Variants in ASPRV1 observed in about 807,000 individuals in gnomAD.
The protein encoded by ASPRV1 is aspartic peptidase retroviral like 1, also known as retroviral-like aspartic protease 1.
ASPRV1 carries 7 observed loss-of-function variants against 11.0 expected under a neutral mutation model. The ratio of observed to expected loss-of-function variants is 0.64; its 90% CI spans 0.36 to 1.20. The LOEUF (loss-of-function observed/expected upper bound fraction) is 1.20, where lower values mean the gene tolerates loss of function less well. ASPRV1 is among the 50% of genes most tolerant of loss of function. The probability of loss-of-function intolerance (pLI) is 0.02; values close to 1 mark genes in which losing one functional copy is unlikely to be tolerated. For synonymous variants in ASPRV1, 136 were observed against 138.4 expected (o/e 0.98, Z 0.12); for missense variants, 299 against 320.0 (o/e 0.93, Z 0.50).
At chr2:69,935,667 ACT>A in the ASPRV1 span, among the ~76,000 whole-genome samples, 1 of 150,932 alleles carries the variant, frequency 6.6e-6, no homozygotes, top group African/African-American at 2.4e-5. Flanking sequence ...GGTCCATCCA[ACT>A]CTCCATCCAG....
At chr2:69,957,554 G>C (rs190021609), downstream of ASPRV1, among the ~76,000 whole-genome samples, 4 of 151,706 alleles carry the variant, frequency 2.6e-5, no homozygotes, top group East Asian at 5.8e-4. Flanking sequence ...AGAGGTATTA[G>C]AATGTTCTAG....
chr2:69,983,553 T>A, the ASPRV1 span, among the ~76,000 whole-genome samples: 2 of 152,242 alleles, frequency 1.3e-5, no homozygotes, highest in East Asian at 3.9e-4. Flanking sequence ...TAGGCTGAGC[T>A]GGGCTGGGCT....
the ASPRV1 span, among the ~76,000 whole-genome samples, chr2:69,989,718 G>A: frequency 2.0e-3 from 308 of 152,362 alleles, no homozygotes; most frequent in Middle Eastern, 3.4e-3. Context: ...CCAACCCCAG[G>A]AGCCTTCCTG....
chr2:70,023,086 G>C, the ASPRV1 span, among the ~76,000 whole-genome samples: 2 of 152,164 alleles, frequency 1.3e-5, no homozygotes, highest in African/African-American at 4.8e-5. Context: ...GCTAGAAAGA[G>C]AATAAGATCC....
chr2:69,985,223 C>T, the ASPRV1 span, among the ~76,000 whole-genome samples: 1 of 152,074 alleles, frequency 6.6e-6, no homozygotes, highest in Non-Finnish European at 1.5e-5. Context: ...TTCCTTCCTT[C>T]CTTCTCTCCT....
chr2:70,068,823 T>TA, the ASPRV1 span, among the ~76,000 whole-genome samples: 1 of 150,582 alleles, frequency 6.6e-6, no homozygotes, highest in African/African-American at 2.4e-5. Flanking sequence ...CACATGCCTA[T>TA]AATCCCAGCT....
At chr2:70,049,175 C>A in the ASPRV1 span, 1 of 137,832 alleles carries the variant, frequency 7.3e-6, no homozygotes, top group African/African-American at 2.7e-5. Context: ...TCTCCTAATG[C>A]TATCCCTCCC....
At chr2:69,967,022 T>C in the ASPRV1 span, among the ~76,000 whole-genome samples, 1 of 152,150 alleles carries the variant, frequency 6.6e-6, no homozygotes, top group Non-Finnish European at 1.5e-5. Flanking sequence ...TCCACACACA[T>C]GTATTGAGCA....
the ASPRV1 span, among the ~76,000 whole-genome samples, chr2:69,949,175 C>T: frequency 1.3e-5 from 2 of 152,278 alleles, no homozygotes; most frequent in African/African-American, 4.8e-5. Context: ...GCAGACCCTG[C>T]AGGCCCCCTG....
chr2:70,072,891 A>T, the ASPRV1 span, among the ~76,000 whole-genome samples: 1 of 145,350 alleles, frequency 6.9e-6, no homozygotes, highest in Non-Finnish European at 1.5e-5. Context: ...GTCTCTATAA[A>T]AAACTAAAAA....
the ASPRV1 span, among the ~76,000 whole-genome samples, chr2:70,022,170 A>G: frequency 6.3e-3 from 956 of 150,954 alleles, 9 homozygotes; most frequent in African/African-American, 0.022. Flanking sequence ...GCCCACCACC[A>G]TGCCCGGCTA....
the ASPRV1 span, among the ~76,000 whole-genome samples, chr2:69,951,506 T>A: frequency 4.7e-5 from 7 of 148,878 alleles, no homozygotes; most frequent in African/African-American, 1.7e-4. Context: ...TATATTTATA[T>A]ATATAGATCT....
At chr2:69,974,291 C>T in the ASPRV1 span, among the ~76,000 whole-genome samples, 1 of 150,800 alleles carries the variant, frequency 6.6e-6, no homozygotes, top group Non-Finnish European at 1.5e-5. Flanking sequence ...GAGCTGAGAT[C>T]GTGCCATTGC....
chr2:69,988,392 T>C, the ASPRV1 span: 22 of 169,302 alleles, frequency 1.3e-4, no homozygotes, highest in Non-Finnish European at 2.8e-4. Flanking sequence ...GAAAACATTA[T>C]GCTAAGTGAA....
At chr2:70,086,695 T>C in the ASPRV1 span, among the ~76,000 whole-genome samples, 4 of 152,322 alleles carry the variant, frequency 2.6e-5, no homozygotes, top group South Asian at 4.1e-4. Context: ...GGTGCCGCGG[T>C]GGAAACGACA....
chr2:69,979,103 C>T, the ASPRV1 span, among the ~76,000 whole-genome samples: 4 of 151,138 alleles, frequency 2.6e-5, no homozygotes, highest in South Asian at 2.1e-4. Context: ...GGTGTGATCT[C>T]GGCTCACCGC....
the ASPRV1 span, among the ~76,000 whole-genome samples, chr2:70,072,049 T>C: frequency 6.6e-6 from 1 of 151,900 alleles, no homozygotes; most frequent in South Asian, 2.1e-4. Flanking sequence ...CCTCCTGGGT[T>C]CAAGCAATTC....
At chr2:69,953,942 T>A in the ASPRV1 span, among the ~76,000 whole-genome samples, 1 of 151,902 alleles carries the variant, frequency 6.6e-6, no homozygotes, top group Middle Eastern at 3.2e-3. Flanking sequence ...GGTCTCGAAC[T>A]CCTGACCTCA....
chr2:70,033,845 T>A, the ASPRV1 span, among the ~76,000 whole-genome samples: 1 of 152,086 alleles, frequency 6.6e-6, no homozygotes, highest in Non-Finnish European at 1.5e-5. Flanking sequence ...CTTCTGACAC[T>A]GAGAATGTGA....
Sources: gnomAD v4.1 joint callset for allele counts (sites outside exome capture counted in the v4.1 genomes callset) on GRCh38, gnomAD v4.1.1 for gene constraint, MANE v1.5 for transcripts, NCBI Gene and HGNC (gene_info 2026-07-23, HGNC 2026-07-21) for gene names.